The following LRRTM4 variants were observed in gnomAD, a reference collection of about 807,000 sequenced individuals.
The protein encoded by LRRTM4 is leucine-rich repeat transmembrane neuronal protein 4.
LRRTM4 carries 25 observed loss-of-function variants against 47.6 expected under a neutral mutation model. The ratio of observed to expected loss-of-function variants is 0.53; its 90% CI spans 0.38 to 0.73. The LOEUF is 0.73. LRRTM4 is among the 30% of genes least tolerant of loss of function. LRRTM4 has a pLI of 0.00. For missense variants in LRRTM4, 638 were observed against 713.4 expected (o/e 0.89, Z 1.20); for synonymous variants, 311 against 269.5 (o/e 1.15, Z -1.51).
At chr2:77,087,576 C>T (rs1286514769) in intron 3 of LRRTM4, among the ~76,000 whole-genome samples, 1 of 152,212 alleles carries the variant, frequency 6.6e-6, no homozygotes, top group African/African-American at 2.4e-5. Flanking sequence ...AACTTGAGCT[C>T]ACCACTTAAA....
At chr2:76,794,866 C>T (rs934149911) in intron 3 of LRRTM4, among the ~76,000 whole-genome samples, 2 of 147,494 alleles carry the variant, frequency 1.4e-5, no homozygotes, top group East Asian at 2.0e-4. Context: ...CTCTAGAGGG[C>T]CAACATTTTT....
chr2:77,243,904 A>C (rs1206701663), intron 3 of LRRTM4, among the ~76,000 whole-genome samples: 1 of 136,438 alleles, frequency 7.3e-6, no homozygotes, highest in African/African-American at 2.8e-5. Flanking sequence ...ATATCTCCCA[A>C]TGCTATCCCT....
chr2:77,389,312 C>A (rs1307913942), intron 3 of LRRTM4, among the ~76,000 whole-genome samples: 1 of 151,998 alleles, frequency 6.6e-6, no homozygotes, highest in African/African-American at 2.4e-5. Flanking sequence ...TTTGTAAAGT[C>A]TGAGGAACTT....
intron 3 of LRRTM4, among the ~76,000 whole-genome samples, chr2:77,217,095 A>T (rs1045088043): frequency 2.0e-5 from 3 of 150,220 alleles, no homozygotes; most frequent in Admixed American, 2.0e-4. Flanking sequence ...AAGGGAGGGC[A>T]CATCCTAGGC....
intron 3 of LRRTM4, among the ~76,000 whole-genome samples, chr2:77,185,301 A>G (rs1673469605): frequency 6.6e-6 from 1 of 152,120 alleles, no homozygotes; most frequent in South Asian, 2.1e-4. Context: ...CGTTCTTCGG[A>G]TGAAATGTTA....
chr2:76,839,915 G>A (rs1671622944), intron 3 of LRRTM4, among the ~76,000 whole-genome samples: 1 of 152,018 alleles, frequency 6.6e-6, no homozygotes, highest in African/African-American at 2.4e-5. Context: ...TATATCAAAT[G>A]ATTCTGGAAT....
intron 3 of LRRTM4, among the ~76,000 whole-genome samples, chr2:77,448,761 T>C (rs1676147171): frequency 1.3e-5 from 2 of 152,160 alleles, no homozygotes; most frequent in South Asian, 2.1e-4. Context: ...TATAAATGGA[T>C]GCTCTTTGAC....
At chr2:76,822,534 G>A (rs561732621) in intron 3 of LRRTM4, among the ~76,000 whole-genome samples, 47 of 151,526 alleles carry the variant, frequency 3.1e-4, no homozygotes, top group African/African-American at 1.0e-3. Context: ...AGAAAACCCT[G>A]AACTTTCAGA....
intron 3 of LRRTM4, among the ~76,000 whole-genome samples, chr2:77,042,766 G>C (rs1394000364): frequency 1.3e-5 from 2 of 151,684 alleles, no homozygotes; most frequent in Admixed American, 1.3e-4. Context: ...TGCTAGAACT[G>C]TGATGGTGTA....
intron 3 of LRRTM4, among the ~76,000 whole-genome samples, chr2:77,380,363 T>C (rs1289203508): frequency 1.3e-5 from 2 of 152,130 alleles, no homozygotes; most frequent in Non-Finnish European, 1.5e-5. Flanking sequence ...AAGCTAGAAA[T>C]ATATTAACAA....
intron 3 of LRRTM4, among the ~76,000 whole-genome samples, chr2:77,482,374 A>G (rs965184595): frequency 9.9e-5 from 15 of 152,186 alleles, no homozygotes; most frequent in Non-Finnish European, 2.2e-4. Context: ...AGAAATAAAA[A>G]AAGAAATGTA....
chr2:76,757,227 CA>C (rs1248466702), intron 3 of LRRTM4, among the ~76,000 whole-genome samples: 1 of 152,008 alleles, frequency 6.6e-6, no homozygotes, highest in Non-Finnish European at 1.5e-5. Context: ...TTCATTTTGA[CA>C]AAAATTTCTC....
At chr2:76,792,238 C>T (rs375307448) in intron 3 of LRRTM4, among the ~76,000 whole-genome samples, 11 of 151,950 alleles carry the variant, frequency 7.2e-5, no homozygotes, top group African/African-American at 2.2e-4. Context: ...AATGTTAAGT[C>T]GGCTTAAAAA....
At chr2:77,005,913 TAG>T (rs1677625690) in intron 3 of LRRTM4, among the ~76,000 whole-genome samples, 1 of 152,172 alleles carries the variant, frequency 6.6e-6, no homozygotes, top group African/African-American at 2.4e-5. Flanking sequence ...TGTTAGTGCA[TAG>T]ATACTATTAT....
chr2:77,504,103 C>G (rs900395175), intron 3 of LRRTM4, among the ~76,000 whole-genome samples: 3 of 151,592 alleles, frequency 2.0e-5, no homozygotes, highest in African/African-American at 7.2e-5. Flanking sequence ...CTCTGTCTCT[C>G]TTCCTTTCTT....
intron 3 of LRRTM4, among the ~76,000 whole-genome samples, chr2:76,860,068 T>C (rs1482679340): frequency 6.6e-6 from 1 of 152,156 alleles, no homozygotes; most frequent in Admixed American, 6.6e-5. Flanking sequence ...GAATTAATTT[T>C]GACAAAATGC....
At chr2:76,753,821 T>A (rs1672932292) in intron 3 of LRRTM4, among the ~76,000 whole-genome samples, 1 of 152,164 alleles carries the variant, frequency 6.6e-6, no homozygotes, top group African/African-American at 2.4e-5. Flanking sequence ...TATATATGAT[T>A]GTGAAAGGCT....
chr2:76,772,307 G>A (rs996903400), intron 3 of LRRTM4, among the ~76,000 whole-genome samples: 1 of 152,058 alleles, frequency 6.6e-6, no homozygotes, highest in African/African-American at 2.4e-5. Context: ...CTCCAGAAAT[G>A]TGAGAAATAA....
At chr2:77,406,887 G>A (rs751499384) in intron 3 of LRRTM4, among the ~76,000 whole-genome samples, 71 of 151,974 alleles carry the variant, frequency 4.7e-4, no homozygotes, top group Non-Finnish European at 9.1e-4. Context: ...AAAAAAATAC[G>A]TCTTTCCATC....
Sources: allele counts gnomAD v4.1 joint callset (sites outside exome capture counted in the v4.1 genomes callset), GRCh38; gene constraint gnomAD v4.1.1; transcripts MANE v1.5; gene names NCBI Gene and HGNC (gene_info 2026-07-23, HGNC 2026-07-21).